POLA1: variants seen among roughly 807,000 people sequenced by gnomAD.
The protein encoded by POLA1 is DNA polymerase alpha 1, catalytic subunit, also known as DNA polymerase alpha catalytic subunit.
In POLA1, 15 loss-of-function variants were observed where a neutral mutation model predicts 124.0. That is an observed-to-expected ratio of 0.12 (90% CI 0.08 to 0.19). POLA1 has a LOEUF of 0.19. Ranked by LOEUF, POLA1 falls within the 10% of genes least tolerant of loss-of-function variation. The pLI is 1.00. For synonymous variants in POLA1, 408 were observed against 389.4 expected, an observed-to-expected ratio of 1.05 and a Z score of -0.56; for missense variants, 886 against 1,103.4, an observed-to-expected ratio of 0.80 and a Z score of 2.79.
intron 36 of POLA1, among the ~76,000 whole-genome samples, chrX:24,980,769 T>C (rs1019502877): frequency 8.9e-6 from 1 of 111,791 alleles, no homozygotes; most frequent in African/African-American, 3.3e-5. Flanking sequence ...TTTATAAGTT[T>C]TGAAAGATTC....
At chrX:24,709,600 G>C (rs1236625906) in intron 4 of POLA1, among the ~76,000 whole-genome samples, 2 of 100,882 alleles carry the variant, frequency 2.0e-5, no homozygotes, top group African/African-American at 7.1e-5. Flanking sequence ...AGACGGGGCA[G>C]CTGCCGGGCG....
intron 36 of POLA1, among the ~76,000 whole-genome samples, chrX:24,972,234 G>C (rs1161303982): frequency 8.9e-6 from 1 of 112,156 alleles, no homozygotes; most frequent in Non-Finnish European, 1.9e-5. Flanking sequence ...GCCTCCCAAA[G>C]TGCTGGGATT....
At chrX:24,936,887 G>GT (rs1435172958) in intron 36 of POLA1, among the ~76,000 whole-genome samples, 3 of 112,051 alleles carry the variant, frequency 2.7e-5, no homozygotes, top group African/African-American at 9.7e-5. Context: ...AGCTTTTTCT[G>GT]TTTTTAATAA....
chrX:24,874,100 G>C (rs1191271806), intron 34 of POLA1, among the ~76,000 whole-genome samples: 4 of 111,517 alleles, frequency 3.6e-5, no homozygotes, highest in Non-Finnish European at 5.6e-5. Flanking sequence ...ACTTTCTTCT[G>C]GGTCTCATTT....
At chrX:24,699,836 C>A (rs1037610649) in intron 2 of POLA1, among the ~76,000 whole-genome samples, 1 of 108,153 alleles carries the variant, frequency 9.2e-6, no homozygotes, top group Admixed American at 1.0e-4. Context: ...CATGCTGTAT[C>A]TATGGTAAGT....
At chrX:24,836,785 CTTACGACCAGAAGTGT>C in intron 32 of POLA1, among the ~76,000 whole-genome samples, 1 of 111,694 alleles carries the variant, frequency 9.0e-6, no homozygotes, top group South Asian at 3.7e-4. Context: ...ATCTGAAATG[CTTACGACCAGAAGTGT>C]TTGGGATTTT....
At position 24,716,233 on chromosome X, in the gene POLA1, GGA is replaced by G. The variant is rs1374581324; in HGVS notation, c.526-127_526-126del. 4 of 410,753 alleles carry G rather than the reference GGA, an allele frequency of 9.7e-6. No individual in the cohort carries two copies. In the African/African-American group the frequency reaches 1.1e-4, roughly 11 times the overall value. The allele number at this position is 410,753 out of a possible 1,213,427, so 33.9% of individuals were successfully genotyped here. ...GTAACCACAGTACATGACATCGATG[GGA>G]GGGGGGAGGGGGAAAGGGAAAGAAA... On this transcript the variant is annotated intron_variant, in intron 6 of 36. Transcript: ENST00000379068.
At chrX:24,801,089 G>A (rs2045696643) in intron 26 of POLA1, among the ~76,000 whole-genome samples, 1 of 112,088 alleles carries the variant, frequency 8.9e-6, no homozygotes, top group South Asian at 3.7e-4. Context: ...GTATGGGAGA[G>A]GTACACTTAT....
chrX:24,824,177 A>G (rs2046135429), intron 31 of POLA1, among the ~76,000 whole-genome samples: 1 of 112,231 alleles, frequency 8.9e-6, no homozygotes. Flanking sequence ...CTACATGGGC[A>G]CTTGAAGAAG....
intron 36 of POLA1, among the ~76,000 whole-genome samples, chrX:24,947,246 CTTTTTTTTTTTTTTTTTTTTTTTTTT>C (rs764618354): frequency 9.3e-4 from 20 of 21,608 alleles, no homozygotes; most frequent in East Asian, 1.7e-3. Flanking sequence ...CCTGCAGATT[CTTTTTTTTTTTTTTTTTTTTTTTTTT>C]TTTTTTTTTT....
intron 34 of POLA1, among the ~76,000 whole-genome samples, chrX:24,884,502 C>T (rs768328947): frequency 4.5e-5 from 5 of 111,785 alleles, no homozygotes; most frequent in Admixed American, 9.5e-5. Flanking sequence ...TTTAGCTAGC[C>T]GGTTGGCATT....
At chrX:24,831,680 C>T (rs2046264028) in intron 32 of POLA1, among the ~76,000 whole-genome samples, 1 of 112,391 alleles carries the variant, frequency 8.9e-6, no homozygotes, top group Admixed American at 9.4e-5. Flanking sequence ...CTCGGCCTCC[C>T]AGAGTGCTGC....
intron 35 of POLA1, among the ~76,000 whole-genome samples, chrX:24,892,689 A>G (rs1198043351): frequency 8.9e-6 from 1 of 112,123 alleles, no homozygotes; most frequent in African/African-American, 3.2e-5. Flanking sequence ...ACTTTTTCTC[A>G]TTAACGTATT....
chrX:24,788,171 T>G (rs1487527564), intron 26 of POLA1, among the ~76,000 whole-genome samples: 2 of 111,570 alleles, frequency 1.8e-5, no homozygotes, highest in Admixed American at 9.5e-5. Context: ...TATCCTTTCA[T>G]GATAAAAACC....
chrX:24,712,528 C>A (rs1475685364), intron 4 of POLA1, among the ~76,000 whole-genome samples: 1 of 111,749 alleles, frequency 8.9e-6, no homozygotes, highest in African/African-American at 3.2e-5. Context: ...GGAAATTGGT[C>A]CTTTATCTGT....
At chrX:24,945,628 T>A (rs373293402) in intron 36 of POLA1, among the ~76,000 whole-genome samples, 4 of 111,761 alleles carry the variant, frequency 3.6e-5, no homozygotes, top group Admixed American at 9.5e-5. Context: ...ATTGAGTAGG[T>A]CTGGGGTGGG....
intron 36 of POLA1, among the ~76,000 whole-genome samples, chrX:24,972,735 A>G (rs768980068): frequency 2.7e-5 from 3 of 112,299 alleles, no homozygotes; most frequent in Non-Finnish European, 3.8e-5. Flanking sequence ...CTTATCTAAC[A>G]AGGTCTGGAT....
At chrX:24,845,092 A>G (rs2046459161) in intron 34 of POLA1, among the ~76,000 whole-genome samples, 1 of 112,167 alleles carries the variant, frequency 8.9e-6, no homozygotes, top group Admixed American at 9.5e-5. Flanking sequence ...GATCTTCTGT[A>G]TAGCTAGAAA....
At chrX:24,833,086 A>C (rs909881947) in intron 32 of POLA1, among the ~76,000 whole-genome samples, 4 of 109,729 alleles carry the variant, frequency 3.6e-5, no homozygotes, top group African/African-American at 1.0e-4. Flanking sequence ...AAGTCCTCAG[A>C]GTCCATTGTG....
Sources: allele counts gnomAD v4.1 joint callset (sites outside exome capture counted in the v4.1 genomes callset), GRCh38; gene constraint gnomAD v4.1.1; transcripts MANE v1.5; gene names NCBI Gene and HGNC (gene_info 2026-07-23, HGNC 2026-07-21).